The following SLC10A7 variants were observed in gnomAD, a reference collection of about 807,000 sequenced individuals.
SLC10A7 encodes the protein sodium/bile acid cotransporter 7.
In SLC10A7, 29 loss-of-function variants were observed where a neutral mutation model predicts 43.2. That is an observed-to-expected ratio of 0.67 (90% confidence interval 0.50 to 0.92). SLC10A7 has a LOEUF of 0.92. Among genes scored for constraint, SLC10A7 ranks in the 40% least tolerant of loss-of-function variants. SLC10A7 has a pLI of 0.00. For synonymous variants in SLC10A7, 152 were observed against 144.8 expected (o/e 1.05, Z -0.35); for missense variants, 295 against 403.2 (o/e 0.73, Z 2.30).
intron 4 of SLC10A7, among the ~76,000 whole-genome samples, chr4:146,473,221 C>T (rs566578127): frequency 1.3e-5 from 2 of 152,196 alleles, no homozygotes; most frequent in South Asian, 2.1e-4. Flanking sequence ...AACCGGCTGA[C>T]GGTATAATCA....
intron 6 of SLC10A7, among the ~76,000 whole-genome samples, chr4:146,317,601 G>A (rs1419294222): frequency 1.3e-5 from 2 of 151,984 alleles, no homozygotes; most frequent in African/African-American, 4.8e-5. Context: ...AGTACACTGA[G>A]TAAAGAAGAT....
intron 9 of SLC10A7, among the ~76,000 whole-genome samples, chr4:146,291,132 C>A (rs1223293270): frequency 6.6e-6 from 1 of 152,176 alleles, no homozygotes; most frequent in Non-Finnish European, 1.5e-5. Flanking sequence ...CCTACCTCAT[C>A]CAATAGGAGG....
At chr4:146,516,148 T>C (rs1453068183) in intron 2 of SLC10A7, among the ~76,000 whole-genome samples, 1 of 152,068 alleles carries the variant, frequency 6.6e-6, no homozygotes, top group African/African-American at 2.4e-5. Context: ...TACCTTCTTA[T>C]AGTGAGATAG....
intron 11 of SLC10A7, among the ~76,000 whole-genome samples, chr4:146,257,151 TCTGA>T (rs1003940151): frequency 6.6e-6 from 1 of 152,224 alleles, no homozygotes; most frequent in Non-Finnish European, 1.5e-5. Context: ...ATGTACAAAT[TCTGA>T]CTGACAATTG....
At chr4:146,436,156 T>C (rs1326955620) in intron 5 of SLC10A7, among the ~76,000 whole-genome samples, 1 of 152,130 alleles carries the variant, frequency 6.6e-6, no homozygotes, top group Non-Finnish European at 1.5e-5. Flanking sequence ...GTCACAAATT[T>C]GCAAGAAAAA....
At chr4:146,517,478 A>T (rs936531225) in intron 1 of SLC10A7, among the ~76,000 whole-genome samples, 3 of 152,010 alleles carry the variant, frequency 2.0e-5, no homozygotes, top group Admixed American at 2.0e-4. Flanking sequence ...AATAATAATA[A>T]TAATAATAAC....
chr4:146,306,055 T>C, intron 6 of SLC10A7, 46 bp from the exon 7 acceptor site: 1 of 1,477,788 alleles, frequency 6.8e-7, no homozygotes, highest in Non-Finnish European at 9.2e-7. Flanking sequence ...AAATCAGTTA[T>C]CAAGCATTAG....
intron 2 of SLC10A7, among the ~76,000 whole-genome samples, chr4:146,511,717 A>AT (rs1198819682): frequency 6.6e-6 from 1 of 152,158 alleles, no homozygotes; most frequent in Non-Finnish European, 1.5e-5. Context: ...ACCAGAAGTC[A>AT]TATTAGGTCC....
intron 4 of SLC10A7, among the ~76,000 whole-genome samples, chr4:146,486,534 A>T (rs1017348693): frequency 2.0e-5 from 3 of 152,176 alleles, no homozygotes; most frequent in Non-Finnish European, 4.4e-5. Flanking sequence ...AAACAAATAA[A>T]TTTTTTAAAA....
intron 7 of SLC10A7, among the ~76,000 whole-genome samples, chr4:146,298,199 T>A (rs1578819233): frequency 6.6e-6 from 1 of 152,306 alleles, no homozygotes; most frequent in Non-Finnish European, 1.5e-5. Flanking sequence ...ATTAAGTAAT[T>A]AAATAAATAT....
At chr4:146,403,896 T>C (rs1192408544) in intron 5 of SLC10A7, among the ~76,000 whole-genome samples, 1 of 152,158 alleles carries the variant, frequency 6.6e-6, no homozygotes, top group Non-Finnish European at 1.5e-5. Context: ...TGCAGCAGAG[T>C]ACCAAGTCCA....
At chr4:146,381,274 AG>A (rs1737600872) in intron 5 of SLC10A7, among the ~76,000 whole-genome samples, 2 of 152,198 alleles carry the variant, frequency 1.3e-5, no homozygotes, top group Non-Finnish European at 1.5e-5. Context: ...CTGAAATTTA[AG>A]TTGGGGCGGA....
intron 5 of SLC10A7, among the ~76,000 whole-genome samples, chr4:146,404,858 T>A (rs1196444397): frequency 6.6e-6 from 1 of 152,196 alleles, no homozygotes; most frequent in African/African-American, 2.4e-5. Flanking sequence ...ATGAAGTCTT[T>A]ACTGATATAC....
intron 6 of SLC10A7, among the ~76,000 whole-genome samples, chr4:146,310,217 C>G (rs967398973): frequency 9.9e-5 from 15 of 152,162 alleles, no homozygotes; most frequent in African/African-American, 3.6e-4. Flanking sequence ...TTTATCTAAT[C>G]CACTGTTGAT....
rs76193960 is a variant in SLC10A7 at position 146,451,919 on chromosome 4, C to A, written c.397-9098G>T. Reference sequence around the variant, plus strand: ...AAGCTATCTTGCATCCATAAGAGCACTGGAGAGATAGCCACTCTAATGTCA... The same window carrying A: ...AAGCTATCTTGCATCCATAAGAGCAATGGAGAGATAGCCACTCTAATGTCA... On this transcript the variant is annotated intron_variant, in intron 4 of 11. Coordinates refer to ENST00000335472, the MANE Select transcript of SLC10A7 (RefSeq NM_001029998.6). 2.8e-3 allele frequency among the ~76,000 whole-genome samples: 427 copies of A among 152,130 alleles called. 1 individual carries two copies. The highest frequency in any genetic ancestry group is 4.8e-3 in the Non-Finnish European group (329 of 67,982).
At chr4:146,354,612 G>A (rs1200744467) in intron 5 of SLC10A7, among the ~76,000 whole-genome samples, 1 of 149,922 alleles carries the variant, frequency 6.7e-6, no homozygotes, top group Non-Finnish European at 1.5e-5. Context: ...CAAAGCTGGA[G>A]GCATCACACT....
chr4:146,394,319 T>A (rs1738657300), intron 5 of SLC10A7, among the ~76,000 whole-genome samples: 1 of 152,212 alleles, frequency 6.6e-6, no homozygotes, highest in Non-Finnish European at 1.5e-5. Flanking sequence ...TGTTTCTTAT[T>A]TTTCCTTTCT....
chr4:146,278,074 T>C (rs1729321307), intron 10 of SLC10A7, among the ~76,000 whole-genome samples: 2 of 152,180 alleles, frequency 1.3e-5, no homozygotes, highest in Admixed American at 1.3e-4. Context: ...ATTTTTGGTC[T>C]TCAAAGTGTT....
intron 5 of SLC10A7, among the ~76,000 whole-genome samples, chr4:146,326,475 G>A (rs1303590360): frequency 2.0e-5 from 3 of 152,200 alleles, no homozygotes; most frequent in Admixed American, 2.0e-4. Flanking sequence ...CCTAGGAAAT[G>A]AGCTGGGATC....
Sources: gnomAD v4.1 joint callset for allele counts (sites outside exome capture counted in the v4.1 genomes callset) on GRCh38, gnomAD v4.1.1 for gene constraint, MANE v1.5 for transcripts, NCBI Gene and HGNC (gene_info 2026-07-23, HGNC 2026-07-21) for gene names.